Variants in PCDHA13 observed in about 807,000 individuals in gnomAD.
The protein encoded by PCDHA13 is protocadherin alpha-13.
A neutral mutation model predicts 64.8 loss-of-function variants in PCDHA13; 54 were observed. The ratio of observed to expected loss-of-function variants is 0.83; its 90% CI spans 0.67 to 1.04. The LOEUF (loss-of-function observed/expected upper bound fraction) is 1.04. PCDHA13 is among the 50% of genes least tolerant of loss of function. The pLI, the probability that PCDHA13 is intolerant of heterozygous loss-of-function variation, is 0.00. For synonymous variants in PCDHA13, 587 were observed against 564.4 expected (o/e 1.04, Z -0.57); for missense variants, 1,248 against 1,254.3 (o/e 0.99, Z 0.08).
chr5:140,892,874 C>T (rs1157291129), intron 1 of PCDHA13, among the ~76,000 whole-genome samples: 2 of 152,148 alleles, frequency 1.3e-5, no homozygotes, highest in Non-Finnish European at 2.9e-5. Flanking sequence ...GCTATAATTT[C>T]GTATCCATTA....
At chr5:140,889,273 T>C (rs1307102398) in intron 1 of PCDHA13, among the ~76,000 whole-genome samples, 3 of 152,054 alleles carry the variant, frequency 2.0e-5, no homozygotes, top group Admixed American at 6.5e-5. Flanking sequence ...GTATAATCTT[T>C]GAATTACTTC....
chr5:140,955,975 A>G (rs2095244010), intron 1 of PCDHA13, among the ~76,000 whole-genome samples: 1 of 152,112 alleles, frequency 6.6e-6, no homozygotes, highest in Admixed American at 6.6e-5. Flanking sequence ...TAGGAATGCT[A>G]GCAATTTTTG....
At chr5:140,979,537 A>G (rs538323100) in intron 2 of PCDHA13, among the ~76,000 whole-genome samples, 1 of 152,332 alleles carries the variant, frequency 6.6e-6, no homozygotes, top group East Asian at 1.9e-4. Context: ...ATTGTCATCA[A>G]TGACATGGTT....
intron 1 of PCDHA13, among the ~76,000 whole-genome samples, chr5:140,917,059 G>A (rs1174473146): frequency 6.6e-6 from 1 of 152,044 alleles, no homozygotes; most frequent in Non-Finnish European, 1.5e-5. Context: ...TCCCTGCTAC[G>A]ACAGCACCGA....
chr5:140,918,003 T>A (rs1223893662), intron 1 of PCDHA13, among the ~76,000 whole-genome samples: 1 of 152,216 alleles, frequency 6.6e-6, no homozygotes, highest in African/African-American at 2.4e-5. Flanking sequence ...ATCTTAACAA[T>A]GTTGTTTCTT....
chr5:140,917,778 G>A (rs1271229686), intron 1 of PCDHA13, among the ~76,000 whole-genome samples: 4 of 152,218 alleles, frequency 2.6e-5, no homozygotes, highest in African/African-American at 9.6e-5. Flanking sequence ...TTAGTACCAT[G>A]TTGTTTTGGT....
chr5:141,006,405 C>T (rs782532612), intron 3 of PCDHA13, among the ~76,000 whole-genome samples: 28 of 151,916 alleles, frequency 1.8e-4, no homozygotes, highest in Middle Eastern at 6.8e-3. Context: ...AGTAGAGACG[C>T]GGTTTCACTG....
chr5:140,911,792 T>C (rs1429471693), intron 1 of PCDHA13, among the ~76,000 whole-genome samples: 1 of 152,190 alleles, frequency 6.6e-6, no homozygotes, highest in Non-Finnish European at 1.5e-5. Context: ...TTTTTGGGTC[T>C]AATCATATTA....
At position 141,011,610 on chromosome 5, in the gene PCDHA13, A is replaced by G. The variant is rs1259686391; in HGVS notation, c.*1673A>G. ...ACTGGTGATTCAAGGAATTTTATTT[A>G]TGGTCCAGCCAAGAGCCATCTCGTG... On this transcript the variant is annotated 3_prime_UTR_variant, in exon 4 of 4. Transcript: ENST00000289272. 6 of 153,722 alleles carry G rather than the reference A, an allele frequency of 3.9e-5. No individual in the cohort carries two copies. Among genetic ancestry groups the G allele is most frequent in the African/African-American group, 1.2e-4 (5 of 41,448 alleles). 9.5% of individuals were successfully genotyped at this position (153,722 alleles called of 1,614,324 possible). A position where few individuals can be genotyped will look rare whatever the true frequency, so the allele number is the denominator to read the frequency against.
In PCDHA13 at chr5:141,011,948, A is replaced by G. The variant is rs1011232437; in HGVS notation, c.*2011A>G. ...TAGGAGTCTGTTATTTAAAAAAAGC[A>G]TTAAATTTAAAAAAAAACTGTCTTG... On this transcript the variant is annotated 3_prime_UTR_variant, in exon 4 of 4. Transcript: ENST00000289272. 3 of 153,698 alleles carry G rather than the reference A, an allele frequency of 2.0e-5. No homozygotes were observed. The highest frequency in any genetic ancestry group is 4.4e-5 in the Non-Finnish European group (3 of 68,026). The allele number at this position is 153,698 out of a possible 1,614,324, so 9.5% of individuals were successfully genotyped here.
intron 1 of PCDHA13, chr5:140,927,797 C>T (rs1554205063): frequency 6.2e-7 from 1 of 1,614,196 alleles, no homozygotes; most frequent in Non-Finnish European, 8.5e-7. Context: ...CTAGGTCCGC[C>T]TGAAACGCTC....
chr5:140,968,567 G>A (rs1586307422), intron 1 of PCDHA13: 1 of 1,614,156 alleles, frequency 6.2e-7, no homozygotes, highest in East Asian at 2.2e-5. Flanking sequence ...TGCCCCTGCT[G>A]GCTACCTGGT....
In PCDHA13 at chr5:140,922,223, C is replaced by T. The variant is rs115262412; in HGVS notation, c.2394+37561C>T. 8.0e-3 allele frequency among the ~76,000 whole-genome samples: 1,216 copies of T among 152,128 alleles called. 6 individuals are homozygous for T. Among genetic ancestry groups the T allele is most frequent in the African/African-American group, 0.019 (784 of 41,508 alleles). ...ATGAAACTTTGTAAAACATTTGAAC[C>T]TCAACCATGATGTGTATGAAGATAA... On this transcript the variant is annotated intron_variant, in intron 1 of 3. Transcript: ENST00000289272.
At chr5:141,000,238 G>T (rs111531743) in intron 3 of PCDHA13, among the ~76,000 whole-genome samples, 3 of 151,558 alleles carry the variant, frequency 2.0e-5, no homozygotes, top group African/African-American at 7.3e-5. Flanking sequence ...GCTGAATGTG[G>T]TGGCTGACAC....
intron 3 of PCDHA13, among the ~76,000 whole-genome samples, chr5:141,000,094 C>G (rs782020096): frequency 1.3e-5 from 2 of 152,128 alleles, no homozygotes; most frequent in Non-Finnish European, 2.9e-5. Flanking sequence ...GTGAATGGAG[C>G]TCAACTCCGT....
chr5:140,896,228 G>C (rs567886194), intron 1 of PCDHA13, among the ~76,000 whole-genome samples: 1 of 152,298 alleles, frequency 6.6e-6, no homozygotes, highest in South Asian at 2.1e-4. Context: ...CTTTATAGTA[G>C]AATGACTTAT....
chr5:140,931,966 A>G (rs1554208694), intron 1 of PCDHA13, among the ~76,000 whole-genome samples: 1 of 151,950 alleles, frequency 6.6e-6, no homozygotes, highest in African/African-American at 2.4e-5. Context: ...ATGTTGATGC[A>G]TATGTGTTTA....
chr5:140,997,610 C>A (rs1223241020), intron 3 of PCDHA13, among the ~76,000 whole-genome samples: 1 of 151,776 alleles, frequency 6.6e-6, no homozygotes, highest in Non-Finnish European at 1.5e-5. Flanking sequence ...GGGCGCATGA[C>A]TATATAGAGA....
Position 140,968,026 on chromosome 5 carries a change from A to G in PCDHA13, c.2395-10923A>G, listed in dbSNP as rs570318168. 9.3e-6 allele frequency: 15 copies of G among 1,614,066 alleles called. No individual in the cohort carries two copies. In the Admixed American group the frequency reaches 1.8e-4, roughly 20 times the overall value. On this transcript the variant is annotated intron_variant, in intron 1 of 3. Transcript: ENST00000289272. ...TGAATGGCTTTGGAAACTCCTATACACTGGTGGTGAGCGGCCCACTGGACC... is the reference window on the plus strand; with the variant it reads ...TGAATGGCTTTGGAAACTCCTATACGCTGGTGGTGAGCGGCCCACTGGACC...
Sources: allele counts gnomAD v4.1 joint callset (sites outside exome capture counted in the v4.1 genomes callset), GRCh38; gene constraint gnomAD v4.1.1; transcripts MANE v1.5; gene names NCBI Gene and HGNC (gene_info 2026-07-23, HGNC 2026-07-21).